Variants in ZNF317 observed in about 807,000 individuals in gnomAD.
ZNF317 encodes KRAB-containing zinc finger protein 317.
ZNF317 carries 17 observed loss-of-function variants against 23.4 expected under a neutral mutation model. The observed-to-expected ratio is 0.73, with a 90% CI of 0.50 to 1.09. The LOEUF is 1.09. Ranked by LOEUF, ZNF317 falls within the 50% of genes least tolerant of loss-of-function variation. The pLI is 0.00. For missense variants in ZNF317, 679 were observed against 796.7 expected, an observed-to-expected ratio of 0.85 and a Z score of 1.78; for synonymous variants, 317 against 314.9, an observed-to-expected ratio of 1.01 and a Z score of -0.07.
At chr19:9,149,685 T>C (rs1166190984) in intron 1 of ZNF317, among the ~76,000 whole-genome samples, 1 of 152,064 alleles carries the variant, frequency 6.6e-6, no homozygotes, top group Non-Finnish European at 1.5e-5. Context: ...GAGGGACCAG[T>C]GGCAGAGCGA....
At chr19:9,158,774 C>A in intron 5 of ZNF317, 52 bp from the exon 6 acceptor site, 1 of 1,179,096 alleles carries the variant, frequency 8.5e-7, no homozygotes, top group South Asian at 1.2e-5. Flanking sequence ...TTGTCACCAT[C>A]ATCCCACCAT....
At chr19:9,156,139 G>T in intron 2 of ZNF317, 98 bp downstream of exon 2, 2 of 1,475,066 alleles carry the variant, frequency 1.4e-6, no homozygotes. Context: ...AGGGCTGCTG[G>T]GAGAGGATGG....
intron 1 of ZNF317, among the ~76,000 whole-genome samples, chr19:9,155,205 T>G (rs1021161395): frequency 3.9e-5 from 6 of 152,196 alleles, no homozygotes; most frequent in Non-Finnish European, 8.8e-5. Flanking sequence ...CTTTTTCTTT[T>G]TTTGTTTTTA....
At position 9,161,113 on chromosome 19, in the gene ZNF317, C is replaced by T. The variant is rs759227515; in HGVS notation, c.1468C>T (p.Arg490Trp). Residue 490 changes from arginine to tryptophan, a missense_variant, in exon 7 of 7, where the codon CGG becomes TGG. Arg to Trp is a moderately radical substitution (Grantham distance 101, BLOSUM62 -3). Coordinates refer to ENST00000247956, the MANE Select transcript of ZNF317 (RefSeq NM_020933.5). This position sits in a 1 kb window ranked among gnomAD's most constrained non-coding sequence, Gnocchi z 4.0. ...AGTCTTCGGTGACTATTTATCCCGG[C>T]GGAGGCACATGAGCGTTCACCTTGT... is the stretch of plus-strand genomic sequence containing the variant. ...GKVFGDYLSR[R>W]RHMSVHLVKK... is the part of the protein sequence containing the mutation. 2 of 1,614,022 alleles carry T rather than the reference C, an allele frequency of 1.2e-6. No individual in the cohort carries two copies. The highest frequency in any genetic ancestry group is 1.3e-5 in the African/African-American group (1 of 74,922).
At chr19:9,150,147 T>C (rs1600225152) in intron 1 of ZNF317, among the ~76,000 whole-genome samples, 2 of 152,088 alleles carry the variant, frequency 1.3e-5, no homozygotes, top group Non-Finnish European at 1.5e-5. Context: ...GCTGTTGCAG[T>C]AGGGATACTA....
intron 1 of ZNF317, among the ~76,000 whole-genome samples, chr19:9,141,368 G>A (rs552530916): frequency 6.6e-6 from 1 of 152,268 alleles, no homozygotes; most frequent in East Asian, 1.9e-4. Context: ...ATCTCAGAAA[G>A]CTGTGTGCCT....
chr19:9,162,846 A>C lies in ZNF317; in HGVS notation c.*1413A>C, dbSNP rs1335597258. 1 of 152,148 alleles carries C rather than the reference A, an allele frequency of 6.6e-6. No individual in the cohort carries two copies. The highest frequency in any genetic ancestry group is 1.5e-5 in the Non-Finnish European group (1 of 68,032). The allele number at this position is 152,148 out of a possible 1,614,324, so 9.4% of individuals were successfully genotyped here. On this transcript the variant is annotated 3_prime_UTR_variant, in exon 7 of 7. Coordinates refer to ENST00000247956, the MANE Select transcript of ZNF317 (RefSeq NM_020933.5). ...GGATATTTCTCAGTACCACTTTGTTACTGGTACCTGATGCACACGGATTGC... is the reference window on the plus strand; with the variant it reads ...GGATATTTCTCAGTACCACTTTGTTCCTGGTACCTGATGCACACGGATTGC...
At chr19:9,152,031 C>T (rs138548829) in intron 1 of ZNF317, among the ~76,000 whole-genome samples, 11,142 of 151,672 alleles carry the variant, frequency 0.073, 420 homozygotes, top group Middle Eastern at 0.13. Context: ...CTCAGCCTCC[C>T]GAGTAGCTGG....
rs2050772615 is a variant in ZNF317, at chr19:9,155,344, GA to G, written c.-92-580del. On this transcript the variant is annotated intron_variant, in intron 1 of 6. Transcript: ENST00000247956. ...TTAAATTCAAATTCAGTGAGTGGAG[GA>G]GGTGGCAGAAGCATAGGTGGCCGCG... Among the ~76,000 whole-genome samples, 6 of 152,158 alleles carry G rather than the reference GA, an allele frequency of 3.9e-5. No individual in the cohort carries two copies. In the South Asian group the frequency reaches 1.2e-3, roughly 32 times the overall value.
chr19:9,142,374 G>A (rs1189760492), intron 1 of ZNF317, among the ~76,000 whole-genome samples: 2 of 152,132 alleles, frequency 1.3e-5, no homozygotes, highest in African/African-American at 4.8e-5. Flanking sequence ...ATTGACTGGA[G>A]TTTGGATGGC....
chr19:9,157,624 A>C, intron 4 of ZNF317: 1 of 606,228 alleles, frequency 1.6e-6, no homozygotes, highest in East Asian at 3.4e-5. Context: ...TGAAATACGA[A>C]ATCCCCATTC....
chr19:9,140,920 C>T (rs2050623281), intron 1 of ZNF317, among the ~76,000 whole-genome samples: 1 of 152,078 alleles, frequency 6.6e-6, no homozygotes, highest in Admixed American at 6.6e-5. Flanking sequence ...AGGATTTGGA[C>T]ATCGCGAGGA....
At chr19:9,154,884 T>C (rs2050769092) in intron 1 of ZNF317, among the ~76,000 whole-genome samples, 1 of 152,202 alleles carries the variant, frequency 6.6e-6, no homozygotes, top group Non-Finnish European at 1.5e-5. Flanking sequence ...TTAGTATTGG[T>C]AGTCTTTTTT....
rs565051438 is a variant in ZNF317, at chr19:9,157,743, G to A, written c.290-237G>A. ...GGGTTCTCACTATGTTGCCCAGACT[G>A]ATCTTGAACTCCTGGCTACAGGCAC... On this transcript the variant is annotated intron_variant, in intron 4 of 6. Coordinates refer to ENST00000247956, the MANE Select transcript of ZNF317 (RefSeq NM_020933.5). The A allele has an allele frequency of 4.7e-4, 495 of 1,052,650 alleles. 1 individual carries two copies. Among genetic ancestry groups the A allele is most frequent in the Middle Eastern group, 2.6e-3 (10 of 3,842 alleles). 65.2% of individuals were successfully genotyped at this position (1,052,650 alleles called of 1,614,324 possible). A position where few individuals can be genotyped will look rare whatever the true frequency, so the allele number is the denominator to read the frequency against.
At chr19:9,140,924 G>A (rs2050623417) in intron 1 of ZNF317, among the ~76,000 whole-genome samples, 1 of 152,142 alleles carries the variant, frequency 6.6e-6, no homozygotes, top group Admixed American at 6.5e-5. Flanking sequence ...TTTGGACATC[G>A]CGAGGAGAAA....
chr19:9,161,186 A>T lies in ZNF317; in HGVS notation c.1541A>T (p.Gln514Leu), dbSNP rs773822055. The T allele has an allele frequency of 6.2e-7, 1 of 1,614,062 alleles. No homozygotes were observed. The highest frequency in any genetic ancestry group is 8.5e-7 in the Non-Finnish European group (1 of 1,179,996). ...CAGTGTGGCAAGGCCTTCAGGAACC[A>T]GTCAACGCTGAAGACGCACATGCGA... is the stretch of plus-strand genomic sequence containing the variant. The part of the protein sequence containing the change: ...CRQCGKAFRN[Q>L]STLKTHMRSH... The change falls in exon 7 of 7, where the codon CAG becomes CTG. Residue 514 changes from glutamine (Q) to leucine (L), a missense_variant. Transcript: ENST00000247956. The surrounding 1 kb of genome is among the most constrained non-coding windows in gnomAD (Gnocchi z 4.0).
At chr19:9,156,852 G>T (rs2050789354) in intron 3 of ZNF317, 104 bp downstream of exon 3, 1 of 1,397,490 alleles carries the variant, frequency 7.2e-7, no homozygotes, top group Non-Finnish European at 9.7e-7. Context: ...GCCAGTGGAT[G>T]CCAGAACAGG....
intron 1 of ZNF317, among the ~76,000 whole-genome samples, chr19:9,149,635 G>A (rs573077914): frequency 8.5e-5 from 13 of 152,106 alleles, no homozygotes; most frequent in African/African-American, 2.7e-4. Flanking sequence ...CATGGCTGGC[G>A]GGGCCTGATG....
chr19:9,154,355 GA>G (rs1336330721), intron 1 of ZNF317, among the ~76,000 whole-genome samples: 2 of 152,090 alleles, frequency 1.3e-5, no homozygotes, highest in African/African-American at 4.8e-5. Flanking sequence ...TATCATCCTA[GA>G]AAGTTCCCTT....
Sources: gnomAD v4.1 joint callset for allele counts (sites outside exome capture counted in the v4.1 genomes callset) on GRCh38, gnomAD v4.1.1 for gene constraint, Gnocchi (gnomAD v3.1) non-coding constraint, MANE v1.5 for transcripts, NCBI Gene and HGNC (gene_info 2026-07-23, HGNC 2026-07-21) for gene names.